The following WDPCP variants were observed in gnomAD, a reference collection of about 807,000 sequenced individuals.
WDPCP encodes the protein WD repeat-containing and planar cell polarity effector protein fritz homolog.
WDPCP carries 71 observed loss-of-function variants against 93.1 expected under a neutral mutation model. The ratio of observed to expected loss-of-function variants is 0.76; its 90% CI spans 0.63 to 0.93. The LOEUF is 0.93. Ranked by LOEUF, WDPCP falls within the 40% of genes least tolerant of loss-of-function variation. The pLI is 0.00. For missense variants in WDPCP, 844 were observed against 887.4 expected (o/e 0.95, Z 0.62); for synonymous variants, 315 against 315.0 (o/e 1.00, Z 0.00).
chr2:63,800,352 T>C (rs531283018), intron 2 of WDPCP, among the ~76,000 whole-genome samples: 1 of 152,330 alleles, frequency 6.6e-6, no homozygotes, highest in African/African-American at 2.4e-5. Context: ...GGAAGTAGCC[T>C]TTCTTCAGAC....
At chr2:63,459,169 G>A (rs912015906) in intron 6 of WDPCP, among the ~76,000 whole-genome samples, 7 of 152,082 alleles carry the variant, frequency 4.6e-5, no homozygotes, top group African/African-American at 1.7e-4. Context: ...AAGATTTTAT[G>A]GCTAAGACCT....
At chr2:63,802,457 G>C (rs2104043227) in intron 2 of WDPCP, among the ~76,000 whole-genome samples, 1 of 152,182 alleles carries the variant, frequency 6.6e-6, no homozygotes, top group South Asian at 2.1e-4. Flanking sequence ...AATATTTCCA[G>C]TGATATTTCA....
At chr2:63,381,105 T>A (rs1257023413) in intron 11 of WDPCP, among the ~76,000 whole-genome samples, 2 of 152,128 alleles carry the variant, frequency 1.3e-5, no homozygotes, top group Non-Finnish European at 2.9e-5. Context: ...TTTTCCACCA[T>A]TAATGTCAAT....
At chr2:63,332,749 A>G (rs1235052483) in intron 12 of WDPCP, among the ~76,000 whole-genome samples, 1 of 152,038 alleles carries the variant, frequency 6.6e-6, no homozygotes, top group Admixed American at 6.6e-5. Context: ...TTTAATGAAG[A>G]TCTGTCTTTT....
chr2:63,151,847 G>T (rs1296613747), intron 17 of WDPCP, among the ~76,000 whole-genome samples: 1 of 152,096 alleles, frequency 6.6e-6, no homozygotes, highest in African/African-American at 2.4e-5. Flanking sequence ...GGAGTGTGTG[G>T]CATTATCTCT....
At chr2:63,407,646 C>T (rs1168123797) in intron 9 of WDPCP, among the ~76,000 whole-genome samples, 2 of 152,168 alleles carry the variant, frequency 1.3e-5, no homozygotes, top group Non-Finnish European at 2.9e-5. Context: ...ATATGCTACA[C>T]CAAAAGTATC....
At chr2:63,186,909 A>T (rs1054369529) in intron 14 of WDPCP, among the ~76,000 whole-genome samples, 6 of 146,504 alleles carry the variant, frequency 4.1e-5, no homozygotes, top group Admixed American at 6.8e-5. Context: ...TTATTTCTTT[A>T]TTGATCTTAT....
At chr2:63,773,264 G>T (rs1670256392) in intron 2 of WDPCP, among the ~76,000 whole-genome samples, 2 of 151,840 alleles carry the variant, frequency 1.3e-5, no homozygotes, top group Non-Finnish European at 2.9e-5. Context: ...CAACAAAAAG[G>T]AACAAACTAA....
chr2:63,413,601 T>TGA (rs1695179831), intron 9 of WDPCP, among the ~76,000 whole-genome samples: 1 of 151,930 alleles, frequency 6.6e-6, no homozygotes, highest in Non-Finnish European at 1.5e-5. Context: ...ATCGAGACCA[T>TGA]CCTGGCTAAC....
At chr2:63,302,268 G>A (rs1377510973) in intron 13 of WDPCP, among the ~76,000 whole-genome samples, 1 of 152,204 alleles carries the variant, frequency 6.6e-6, no homozygotes, top group African/African-American at 2.4e-5. Flanking sequence ...AGGCAGCTCT[G>A]CAAGCATCAG....
At position 63,156,432 on chromosome 2, in the gene WDPCP, C is replaced by A. The variant is rs145648920; in HGVS notation, c.2079-2858G>T. Among the ~76,000 whole-genome samples, 916 of 152,248 alleles carry A rather than the reference C, an allele frequency of 6.0e-3. 25 individuals carry two copies. The highest frequency in any genetic ancestry group is 0.045 in the Admixed American group (695 of 15,292). The stretch of plus-strand genomic sequence containing the variant: ...TTTTTTGGTTTTCAATTGTACATTA[C>A]TAGTATATAGAAATACAATTGGGCC... On this transcript the variant is annotated intron_variant, in intron 15 of 17. Coordinates refer to ENST00000272321, the MANE Select transcript of WDPCP (RefSeq NM_015910.7).
At chr2:63,136,435 T>C (rs1670624318) in intron 17 of WDPCP, among the ~76,000 whole-genome samples, 1 of 152,080 alleles carries the variant, frequency 6.6e-6, no homozygotes, top group South Asian at 2.1e-4. Flanking sequence ...TATTATAATA[T>C]GGGTATAATA....
intron 3 of WDPCP, among the ~76,000 whole-genome samples, chr2:63,637,583 AC>A (rs1709934284): frequency 6.6e-6 from 1 of 152,280 alleles, no homozygotes; most frequent in African/African-American, 2.4e-5. Context: ...AAACAAAAAA[AC>A]AATAAATACA....
chr2:63,562,372 G>A (rs996809016), intron 1 of WDPCP, among the ~76,000 whole-genome samples: 1 of 152,118 alleles, frequency 6.6e-6, no homozygotes, highest in Non-Finnish European at 1.5e-5. Flanking sequence ...AGAGCCTGTC[G>A]GGGGTTGTGG....
upstream of WDPCP, among the ~76,000 whole-genome samples, chr2:63,828,803 T>A (rs142114066): frequency 0.012 from 1,853 of 152,258 alleles, 16 homozygotes; most frequent in Non-Finnish European, 0.015. Flanking sequence ...TTTAAACTCT[T>A]GCCCCTGCCC....
At position 63,454,353 on chromosome 2, in the gene WDPCP, G is replaced by C. The variant is rs148580514; in HGVS notation, c.385-14482C>G. Among the ~76,000 whole-genome samples the C allele has an allele frequency of 3.7e-3, 564 of 151,738 alleles. 11 individuals carry two copies. The highest frequency in any genetic ancestry group is 0.026 in the East Asian group (134 of 5,110). On this transcript the variant is annotated intron_variant, in intron 6 of 17. Coordinates refer to ENST00000272321, the MANE Select transcript of WDPCP (RefSeq NM_015910.7). Reference sequence around the variant, plus strand: ...CAACATCCCACACTGAGCCCTGTTTGGGGGTGGGGGACTGAGGGAGGGATA... The same window carrying C: ...CAACATCCCACACTGAGCCCTGTTTCGGGGTGGGGGACTGAGGGAGGGATA...
chr2:63,588,954 G>C (rs189338294), upstream of WDPCP: 460 of 1,583,600 alleles, frequency 2.9e-4, 5 homozygotes, highest in African/African-American at 5.6e-3. Flanking sequence ...AACACCGCTC[G>C]CCCTCTCCGA....
At chr2:63,430,896 C>A (rs1185403516) in intron 9 of WDPCP, among the ~76,000 whole-genome samples, 1 of 152,148 alleles carries the variant, frequency 6.6e-6, no homozygotes, top group Non-Finnish European at 1.5e-5. Context: ...TATGTGTGGA[C>A]TGTTGTTTAG....
chr2:63,700,304 C>A (rs57248216), intron 2 of WDPCP, among the ~76,000 whole-genome samples: 71,706 of 109,860 alleles, frequency 0.65, 21,324 homozygotes, highest in African/African-American at 0.74. Context: ...AAAAAAAAAA[C>A]AAAAAGAAAA....
Sources: gnomAD v4.1 joint callset for allele counts (sites outside exome capture counted in the v4.1 genomes callset) on GRCh38, gnomAD v4.1.1 for gene constraint, MANE v1.5 for transcripts, NCBI Gene and HGNC (gene_info 2026-07-23, HGNC 2026-07-21) for gene names.